The following GRM5 variants were observed in gnomAD, a reference collection of about 807,000 sequenced individuals.
GRM5 encodes metabotropic glutamate receptor 5.
In GRM5, 19 loss-of-function variants were observed where a neutral mutation model predicts 83.1. The ratio of observed to expected loss-of-function variants is 0.23; its 90% CI spans 0.16 to 0.34. The LOEUF is 0.34. Ranked by LOEUF, GRM5 falls within the 10% of genes least tolerant of loss-of-function variation. GRM5 has a pLI of 1.00. For synonymous variants in GRM5, 675 were observed against 633.6 expected (o/e 1.07, Z -0.98); for missense variants, 1,160 against 1,588.3 (o/e 0.73, Z 4.58).
At chr11:88,921,429 C>T (rs1945691332) in intron 2 of GRM5, among the ~76,000 whole-genome samples, 2 of 152,074 alleles carry the variant, frequency 1.3e-5, no homozygotes, top group Non-Finnish European at 2.9e-5. Flanking sequence ...TGAGACCATC[C>T]TGGCTAACAC....
chr11:88,509,460 C>A lies in GRM5; in HGVS notation c.2771G>T (p.Ser924Ile), dbSNP rs775772679. 6.2e-7 allele frequency: 1 copy of A among 1,612,634 alleles called. No homozygotes were observed. The highest frequency in any genetic ancestry group is 2.2e-5 in the East Asian group (1 of 44,834). ...GCGCTGCCACAGGTGCTGCCCCCGG[C>A]TGCTCTTCTCATTCTGGGCCCACGT... ...SVTWAQNEKS[S>I]RGQHLWQRLS... is the part of the protein sequence containing the mutation. Residue 924 changes from serine to isoleucine, a missense_variant, in exon 10 of 10, where the codon AGC (serine) becomes ATC (isoleucine). Transcript: ENST00000305447.
intron 3 of GRM5, among the ~76,000 whole-genome samples, chr11:88,715,724 T>G (rs750243682): frequency 2.6e-5 from 4 of 151,986 alleles, no homozygotes; most frequent in Non-Finnish European, 4.4e-5. Context: ...TTTTCCTGCT[T>G]TGGGTATGCA....
At chr11:88,766,347 A>G (rs1167793659) in intron 3 of GRM5, among the ~76,000 whole-genome samples, 5 of 152,038 alleles carry the variant, frequency 3.3e-5, no homozygotes, top group Non-Finnish European at 7.4e-5. Flanking sequence ...CGGTACTGGT[A>G]CACAAACAGA....
At chr11:88,618,393 A>C (rs777355136) in intron 4 of GRM5, among the ~76,000 whole-genome samples, 4 of 152,168 alleles carry the variant, frequency 2.6e-5, no homozygotes, top group Non-Finnish European at 5.9e-5. Context: ...CTTTCTTTAA[A>C]TGATTTAGTA....
At chr11:88,983,606 T>C (rs1939596343) in intron 2 of GRM5, among the ~76,000 whole-genome samples, 1 of 152,194 alleles carries the variant, frequency 6.6e-6, no homozygotes, top group South Asian at 2.1e-4. Context: ...TACAGTTACA[T>C]ACAGTACCTA....
intron 3 of GRM5, among the ~76,000 whole-genome samples, chr11:88,672,531 A>G (rs1423980171): frequency 6.6e-6 from 1 of 151,946 alleles, no homozygotes; most frequent in Non-Finnish European, 1.5e-5. Flanking sequence ...TTTATTTTTT[A>G]TAAGTTGATA....
intron 3 of GRM5, among the ~76,000 whole-genome samples, chr11:88,712,936 CT>C (rs1364530084): frequency 6.6e-6 from 1 of 151,920 alleles, no homozygotes; most frequent in East Asian, 1.9e-4. Flanking sequence ...TATGTGGTAT[CT>C]TTGATATTCA....
intron 8 of GRM5, among the ~76,000 whole-genome samples, chr11:88,557,116 G>C (rs1942647833): frequency 6.6e-6 from 1 of 152,006 alleles, no homozygotes; most frequent in Non-Finnish European, 1.5e-5. Flanking sequence ...CCTAAATTTT[G>C]GTTCTACCAC....
At chr11:89,035,919 T>C (rs542902522) in intron 2 of GRM5, among the ~76,000 whole-genome samples, 125 of 152,186 alleles carry the variant, frequency 8.2e-4, no homozygotes, top group African/African-American at 2.8e-3. Flanking sequence ...TACAACTTGT[T>C]TCTAATAACG....
chr11:88,527,111 T>C (rs1005531476), intron 8 of GRM5, among the ~76,000 whole-genome samples: 2 of 152,192 alleles, frequency 1.3e-5, no homozygotes, highest in African/African-American at 2.4e-5. Context: ...TGATGCTCAA[T>C]GTTTCAATGC....
At chr11:88,656,132 A>C (rs76290649) in intron 3 of GRM5, among the ~76,000 whole-genome samples, 7 of 152,100 alleles carry the variant, frequency 4.6e-5, no homozygotes, top group Non-Finnish European at 8.8e-5. Flanking sequence ...TGGACCTTCA[A>C]TTTAATTTTT....
At chr11:88,956,988 GT>G (rs59774314) in intron 2 of GRM5, among the ~76,000 whole-genome samples, 58,149 of 151,944 alleles carry the variant, frequency 0.38, 12,714 homozygotes, top group Non-Finnish European at 0.47. Flanking sequence ...TTAGTCCATT[GT>G]TTGTAATTTA....
At chr11:88,682,846 C>T (rs1940528838) in intron 3 of GRM5, among the ~76,000 whole-genome samples, 1 of 151,780 alleles carries the variant, frequency 6.6e-6, no homozygotes, top group Non-Finnish European at 1.5e-5. Flanking sequence ...TTTCTCTTCA[C>T]CTTCATTCTT....
chr11:88,620,468 A>T lies in GRM5; in HGVS notation c.1148-15504T>A, dbSNP rs146378079. Among the ~76,000 whole-genome samples the T allele has an allele frequency of 2.1e-4, 32 of 152,300 alleles. 1 individual carries two copies. In the East Asian group the frequency reaches 6.2e-3, roughly 29 times the overall value. On this transcript the variant is annotated intron_variant, in intron 4 of 9. Transcript: ENST00000305447. ...GACATTGTCAGGAATATACCAGTGGATCATACTTATGATGGTTGAAGGTGG... is the reference window on the plus strand; with the variant it reads ...GACATTGTCAGGAATATACCAGTGGTTCATACTTATGATGGTTGAAGGTGG...
chr11:89,018,992 G>T (rs1360207342), intron 2 of GRM5, among the ~76,000 whole-genome samples: 1 of 152,020 alleles, frequency 6.6e-6, no homozygotes, highest in Non-Finnish European at 1.5e-5. Flanking sequence ...GACTTCCTTA[G>T]TGTCTTCCTA....
At chr11:88,718,550 C>T (rs1474373302) in intron 3 of GRM5, among the ~76,000 whole-genome samples, 1 of 151,836 alleles carries the variant, frequency 6.6e-6, no homozygotes, top group Non-Finnish European at 1.5e-5. Context: ...GAGGAGGAAA[C>T]ATATTTTATT....
chr11:88,974,835 C>T (rs892257938), intron 2 of GRM5, among the ~76,000 whole-genome samples: 3 of 151,966 alleles, frequency 2.0e-5, no homozygotes, highest in African/African-American at 7.3e-5. Flanking sequence ...TAGGAACATA[C>T]TAGAAAGAAA....
intron 4 of GRM5, among the ~76,000 whole-genome samples, chr11:88,652,019 T>C (rs951098622): frequency 5.3e-5 from 8 of 152,062 alleles, no homozygotes; most frequent in Non-Finnish European, 7.4e-5. Flanking sequence ...TGACAACCTC[T>C]TTGTGGACTA....
intron 1 of GRM5, among the ~76,000 whole-genome samples, chr11:89,055,868 G>T (rs1000241841): frequency 1.3e-5 from 2 of 152,010 alleles, no homozygotes; most frequent in African/African-American, 2.4e-5. Flanking sequence ...ATGACATTTA[G>T]TTGTCATACA....
Sources: gnomAD v4.1 joint callset for allele counts (sites outside exome capture counted in the v4.1 genomes callset) on GRCh38, gnomAD v4.1.1 for gene constraint, MANE v1.5 for transcripts, NCBI Gene and HGNC (gene_info 2026-07-23, HGNC 2026-07-21) for gene names.